Variants in ZBTB43 observed in about 807,000 individuals in gnomAD.
ZBTB43 encodes zinc finger and BTB domain-containing protein 43.
A neutral mutation model predicts 31.1 loss-of-function variants in ZBTB43; 6 were observed. The ratio of observed to expected loss-of-function variants is 0.19; its 90% CI spans 0.11 to 0.38. The LOEUF (loss-of-function observed/expected upper bound fraction) is 0.38, where lower values mean the gene tolerates loss of function less well. ZBTB43 is among the 10% of genes least tolerant of loss of function. The probability of loss-of-function intolerance (pLI) is 1.00; values close to 1 mark genes in which losing one functional copy is unlikely to be tolerated. For synonymous variants in ZBTB43, 212 were observed against 221.7 expected (o/e 0.96, Z 0.39); for missense variants, 379 against 602.1 (o/e 0.63, Z 3.88).
In ZBTB43 at chr9:126,837,663, C is replaced by G. The variant is rs2032910738; in HGVS notation, c.*3750C>G. 1 of 167,036 alleles carries G rather than the reference C, an allele frequency of 6.0e-6. No individual in the cohort carries two copies. Among genetic ancestry groups the G allele is most frequent in the South Asian group, 2.1e-4 (1 of 4,826 alleles). The allele number at this position is 167,036 out of a possible 1,614,324, so 10.3% of individuals were successfully genotyped here. On this transcript the variant is annotated 3_prime_UTR_variant, in exon 3 of 3. Coordinates refer to ENST00000373464, the MANE Select transcript of ZBTB43 (RefSeq NM_014007.4). ...TTATCCCCAATCCCTCCTGTGCCAC[C>G]AGTTTTGTGATTTAGGTTGCTTTAG... is the stretch of plus-strand genomic sequence containing the variant.
chr9:126,805,782 C>T (rs774801598), intron 1 of ZBTB43, among the ~76,000 whole-genome samples: 1 of 152,248 alleles, frequency 6.6e-6, no homozygotes, highest in Non-Finnish European at 1.5e-5. Context: ...CAGGGCCTGT[C>T]AGTCTGGCTT....
At chr9:126,824,991 C>A (rs1356077896) in intron 2 of ZBTB43, among the ~76,000 whole-genome samples, 1 of 152,278 alleles carries the variant, frequency 6.6e-6, no homozygotes, top group East Asian at 1.9e-4. Flanking sequence ...GTCACCTAGG[C>A]TGGAGTATAG....
In ZBTB43 at chr9:126,833,322, G is replaced by C; in HGVS notation, c.813G>C (p.Glu271Asp). The change falls in exon 3 of 3, where the codon GAG (glutamate) becomes GAC (aspartate). Residue 271 changes from glutamate (E) to aspartate (D), a missense_variant. This residue lies in a region of ZBTB43 where 253 missense variants were observed against 322.3 expected (regional missense o/e 0.79). Transcript: ENST00000373464. This position sits in a 1 kb window ranked among gnomAD's most constrained non-coding sequence, Gnocchi z 7.9. ...CCTACGACGAGCACCAGGTCACAGAGTCCATCAACACCGTGCAGACAGAGC... is the reference window on the plus strand; with the variant it reads ...CCTACGACGAGCACCAGGTCACAGACTCCATCAACACCGTGCAGACAGAGC... Reference protein sequence around the residue: ...HATYDEHQVTESINTVQTEHT... With the variant: ...HATYDEHQVTDSINTVQTEHT... 1 of 1,613,068 alleles carries C rather than the reference G, an allele frequency of 6.2e-7. No individual in the cohort carries two copies. Among genetic ancestry groups the C allele is most frequent in the East Asian group, 2.2e-5 (1 of 44,848 alleles).
At chr9:126,813,683 TTAAAG>T (rs1351024794) in intron 2 of ZBTB43, among the ~76,000 whole-genome samples, 1 of 152,216 alleles carries the variant, frequency 6.6e-6, no homozygotes, top group Non-Finnish European at 1.5e-5. Context: ...CCGCAAGAGA[TTAAAG>T]TATACAAACC....
intron 2 of ZBTB43, among the ~76,000 whole-genome samples, chr9:126,816,445 G>A (rs2032387941): frequency 6.6e-6 from 1 of 152,072 alleles, no homozygotes; most frequent in Non-Finnish European, 1.5e-5. Context: ...GTGTTTTCAT[G>A]AAGTTTGTGA....
At chr9:126,806,591 T>C (rs1419418646) in intron 1 of ZBTB43, among the ~76,000 whole-genome samples, 1 of 152,220 alleles carries the variant, frequency 6.6e-6, no homozygotes, top group Admixed American at 6.5e-5. Context: ...CTTCACTGAA[T>C]TGGACTCTTA....
At position 126,833,390 on chromosome 9, in the gene ZBTB43, G is replaced by A. The variant is rs934780939; in HGVS notation, c.881G>A (p.Gly294Glu). Residue 294 changes from glycine (G) to glutamate (E), a missense_variant, in exon 3 of 3, where the codon GGG becomes GAG. Physicochemically the swap from Gly to Glu is moderately conservative, Grantham distance 98. Transcript: ENST00000373464. This position sits in a 1 kb window ranked among gnomAD's most constrained non-coding sequence, Gnocchi z 7.9. ...PSGVEEDFHI[G>E]EKKVEAEFDE... ...GGAGTGGAGGAGGACTTCCACATCG[G>A]GGAGAAGAAAGTGGAAGCTGAGTTT... 1.2e-6 allele frequency: 2 copies of A among 1,613,908 alleles called. No homozygotes were observed. Among genetic ancestry groups the A allele is most frequent in the Non-Finnish European group, 8.5e-7 (1 of 1,179,938 alleles).
intron 1 of ZBTB43, among the ~76,000 whole-genome samples, chr9:126,805,941 C>T (rs1326602684): frequency 3.9e-5 from 6 of 152,230 alleles, no homozygotes; most frequent in Non-Finnish European, 7.3e-5. Context: ...ACTGGTGACA[C>T]TCTCAGTGAC....
intron 1 of ZBTB43, among the ~76,000 whole-genome samples, chr9:126,805,808 G>A (rs1376324265): frequency 6.6e-6 from 1 of 152,270 alleles, no homozygotes; most frequent in African/African-American, 2.4e-5. Context: ...CCATCTGTCT[G>A]TTTCTCTCTT....
At position 126,833,573 on chromosome 9, in the gene ZBTB43, CAG is replaced by C; in HGVS notation, c.1065_1066del (p.Gly356AspfsTer2). On this transcript the variant is annotated frameshift_variant, in exon 3 of 3. Coordinates refer to ENST00000373464, the MANE Select transcript of ZBTB43 (RefSeq NM_014007.4). LOFTEE classifies it high-confidence loss of function. This position sits in a 1 kb window ranked among gnomAD's most constrained non-coding sequence, Gnocchi z 7.9. Reference sequence around the variant, plus strand: ...TACAGTGAGAATATTGAAATGGTAACAGGGATTAAAGAAGAAGCTTCCCACTT... The same window carrying C: ...TACAGTGAGAATATTGAAATGGTAACGGATTAAAGAAGAAGCTTCCCACTT... 1 of 1,614,070 alleles carries C rather than the reference CAG, an allele frequency of 6.2e-7. No homozygotes were observed. The highest frequency in any genetic ancestry group is 8.5e-7 in the Non-Finnish European group (1 of 1,180,002).
At chr9:126,814,316 C>CATCTGTAAAATTTTTACAGATGAAATTTA (rs2032320651) in intron 2 of ZBTB43, among the ~76,000 whole-genome samples, 1 of 150,368 alleles carries the variant, frequency 6.7e-6, no homozygotes. Context: ...ATGAAATTTA[C>CATCTGTAAAATTTTTACAGATGAAATTTA]ATCTGTAAAA....
chr9:126,827,101 A>G (rs2032658127), intron 2 of ZBTB43, among the ~76,000 whole-genome samples: 1 of 152,188 alleles, frequency 6.6e-6, no homozygotes, highest in Non-Finnish European at 1.5e-5. Flanking sequence ...TTGTACAATG[A>G]CTTTTCCTAT....
rs961477138 is a variant in ZBTB43, at chr9:126,835,421, C to G, written c.*1508C>G. On this transcript the variant is annotated 3_prime_UTR_variant, in exon 3 of 3. Coordinates refer to ENST00000373464, the MANE Select transcript of ZBTB43 (RefSeq NM_014007.4). Reference sequence around the variant, plus strand: ...CACAATCGTACTGGGTTATTTACTTCTAAATAGAAACTTTTTTTTCTTAAA... The same window carrying G: ...CACAATCGTACTGGGTTATTTACTTGTAAATAGAAACTTTTTTTTCTTAAA... 1 of 166,974 alleles carries G rather than the reference C, an allele frequency of 6.0e-6. No individual in the cohort carries two copies. Among genetic ancestry groups the G allele is most frequent in the African/African-American group, 2.4e-5 (1 of 41,410 alleles). The allele number at this position is 166,974 out of a possible 1,614,324, so 10.3% of individuals were successfully genotyped here. A position where few individuals can be genotyped will look rare whatever the true frequency, so the allele number is the denominator to read the frequency against.
At chr9:126,818,150 T>C (rs2119132767) in intron 2 of ZBTB43, among the ~76,000 whole-genome samples, 2 of 148,434 alleles carry the variant, frequency 1.3e-5, no homozygotes, top group South Asian at 4.3e-4. Flanking sequence ...TTGGACAGAA[T>C]CTCCCTCTGT....
At chr9:126,818,272 A>C (rs2032436464) in intron 2 of ZBTB43, among the ~76,000 whole-genome samples, 1 of 149,850 alleles carries the variant, frequency 6.7e-6, no homozygotes, top group African/African-American at 2.4e-5. Context: ...ACAGCTGTGC[A>C]CCACTATTCC....
chr9:126,823,929 G>A (rs947280110), intron 2 of ZBTB43, among the ~76,000 whole-genome samples: 2 of 152,196 alleles, frequency 1.3e-5, no homozygotes, highest in East Asian at 1.9e-4. Flanking sequence ...TTTATATATT[G>A]TGTAATGTGT....
At chr9:126,822,661 G>T (rs1197889448) in intron 2 of ZBTB43, among the ~76,000 whole-genome samples, 2 of 152,124 alleles carry the variant, frequency 1.3e-5, no homozygotes, top group Non-Finnish European at 2.9e-5. Flanking sequence ...AATTGCTTGA[G>T]CCCAGGAGGT....
At chr9:126,814,328 G>GA (rs2032323268) in intron 2 of ZBTB43, among the ~76,000 whole-genome samples, 1 of 5,082 alleles carries the variant, frequency 2.0e-4, no homozygotes, top group African/African-American at 1.1e-3. Context: ...TCTGTAAAAT[G>GA]TAAATTTTAC....
rs749952738 is a variant in ZBTB43, at chr9:126,833,718, G to A, written c.1209G>A (p.Gly403=). The change falls in exon 3 of 3, where the codon GGG becomes GGA. Residue 403 remains glycine, a synonymous_variant. Coordinates refer to ENST00000373464, the MANE Select transcript of ZBTB43 (RefSeq NM_014007.4). The surrounding 1 kb of genome is among the most constrained non-coding windows in gnomAD (Gnocchi z 7.9). ...MHLGLRPYGC[G]VCGKKFKMKH... ...TCGGTCTTCGGCCTTACGGCTGTGG[G>A]GTCTGCGGTAAGAAATTCAAAATGA... 7 of 1,609,688 alleles carry A rather than the reference G, an allele frequency of 4.3e-6. No individual in the cohort carries two copies. The highest frequency in any genetic ancestry group is 5.1e-6 in the Non-Finnish European group (6 of 1,176,348).
Sources: gnomAD v4.1 joint callset for allele counts (sites outside exome capture counted in the v4.1 genomes callset) on GRCh38, gnomAD v4.1.1 for gene constraint, gnomAD v4.1.1 regional missense constraint, Gnocchi (gnomAD v3.1) non-coding constraint, MANE v1.5 for transcripts, NCBI Gene and HGNC (gene_info 2026-07-23, HGNC 2026-07-21) for gene names.